FMN2: variants seen among roughly 807,000 people sequenced by gnomAD.
The protein encoded by FMN2 is formin 2, also known as formin-2.
FMN2 carries 51 observed loss-of-function variants against 142.3 expected under a neutral mutation model. The ratio of observed to expected loss-of-function variants is 0.36; its 90% CI spans 0.29 to 0.45. FMN2 has a LOEUF of 0.45. Ranked by LOEUF, FMN2 falls within the 20% of genes least tolerant of loss-of-function variation. FMN2 has a pLI of 1.00. For missense variants in FMN2, 1,936 were observed against 2,122.8 expected (o/e 0.91, Z 1.73); for synonymous variants, 882 against 869.8 (o/e 1.01, Z -0.25).
At chr1:240,329,526 G>T in intron 10 of FMN2, 58 bp downstream of exon 10, 1 of 1,572,716 alleles carries the variant, frequency 6.4e-7, no homozygotes. Flanking sequence ...GCTCAGCCAT[G>T]TTCTTATTTC....
chr1:240,394,069 G>C (rs1673695928), intron 15 of FMN2, among the ~76,000 whole-genome samples: 1 of 152,124 alleles, frequency 6.6e-6, no homozygotes, highest in Non-Finnish European at 1.5e-5. Flanking sequence ...ATTAGGGAGG[G>C]GTAAGGAAGA....
intron 2 of FMN2, among the ~76,000 whole-genome samples, chr1:240,169,023 C>T (rs146186268): frequency 1.5e-3 from 222 of 152,110 alleles, no homozygotes; most frequent in African/African-American, 4.9e-3. Flanking sequence ...TCATCCTAGC[C>T]GATATGGTGA....
intron 7 of FMN2, among the ~76,000 whole-genome samples, chr1:240,277,036 C>T (rs1669239023): frequency 6.6e-6 from 1 of 152,276 alleles, no homozygotes; most frequent in Non-Finnish European, 1.5e-5. Context: ...ATCCTTGATC[C>T]TGTTAAATGT....
At chr1:240,358,686 G>A (rs1672360242) in intron 14 of FMN2, among the ~76,000 whole-genome samples, 1 of 152,120 alleles carries the variant, frequency 6.6e-6, no homozygotes, top group East Asian at 1.9e-4. Context: ...GATCTCGTGA[G>A]AACTCACTCC....
intron 7 of FMN2, among the ~76,000 whole-genome samples, chr1:240,288,440 C>T (rs1463562726): frequency 2.0e-5 from 3 of 151,990 alleles, no homozygotes; most frequent in East Asian, 1.9e-4. Context: ...TAAAAACATT[C>T]GAATTAATGA....
intron 11 of FMN2, among the ~76,000 whole-genome samples, chr1:240,332,290 A>G (rs1671405687): frequency 1.3e-5 from 2 of 152,070 alleles, no homozygotes; most frequent in Admixed American, 6.6e-5. Flanking sequence ...AGCCGAGTGC[A>G]ATAGCATGAG....
intron 7 of FMN2, among the ~76,000 whole-genome samples, chr1:240,282,656 C>T (rs930732643): frequency 1.6e-4 from 25 of 152,344 alleles, no homozygotes; most frequent in African/African-American, 5.5e-4. Flanking sequence ...CGTTTGTGTG[C>T]ATACTCAAAG....
At chr1:240,101,709 A>AT (rs776711940) in intron 1 of FMN2, among the ~76,000 whole-genome samples, 4,144 of 137,862 alleles carry the variant, frequency 0.03, 168 homozygotes, top group African/African-American at 0.097. Flanking sequence ...TGCCTGGCTA[A>AT]TTTTTTTTTT....
chr1:240,198,586 T>A (rs1315344413), intron 4 of FMN2, among the ~76,000 whole-genome samples: 1 of 152,228 alleles, frequency 6.6e-6, no homozygotes, highest in Non-Finnish European at 1.5e-5. Flanking sequence ...CATAATATGT[T>A]CTATTTTAAA....
chr1:240,343,521 C>T (rs149540907), intron 13 of FMN2, among the ~76,000 whole-genome samples: 10 of 152,252 alleles, frequency 6.6e-5, no homozygotes, highest in Non-Finnish European at 1.5e-4. Flanking sequence ...TATAATTGCA[C>T]TGAAGTATAG....
chr1:240,245,270 G>A (rs1053795185), intron 6 of FMN2: 4 of 320,774 alleles, frequency 1.2e-5, no homozygotes, highest in African/African-American at 8.8e-5. Flanking sequence ...GTTAAAAGGG[G>A]ACTGACAGGA....
chr1:240,138,544 A>C (rs1663049598), intron 2 of FMN2, among the ~76,000 whole-genome samples: 1 of 152,178 alleles, frequency 6.6e-6, no homozygotes, highest in East Asian at 1.9e-4. Flanking sequence ...TACTAAAAAA[A>C]AAAAATACAA....
rs549558426 is a variant in FMN2 at position 240,244,938 on chromosome 1, A to G, written c.4066-13007A>G. Among the ~76,000 whole-genome samples, 24 of 152,344 alleles carry G rather than the reference A, an allele frequency of 1.6e-4. No homozygotes were observed. In the Middle Eastern group the frequency reaches 0.014, roughly 86 times the overall value. ...CAGCGGACATTTTTGGATGCTTACA[A>G]TATATCAATCATTGTGCTGAGTACT... On this transcript the variant is annotated intron_variant, in intron 6 of 17. Coordinates refer to ENST00000319653, the MANE Select transcript of FMN2 (RefSeq NM_020066.5).
chr1:240,243,103 A>C (rs1667966866), intron 6 of FMN2, among the ~76,000 whole-genome samples: 1 of 152,062 alleles, frequency 6.6e-6, no homozygotes, highest in Non-Finnish European at 1.5e-5. Context: ...GTAAGACTGC[A>C]GTCTTCCTTG....
At chr1:240,185,389 G>A (rs1665397078) in intron 3 of FMN2, among the ~76,000 whole-genome samples, 2 of 152,110 alleles carry the variant, frequency 1.3e-5, no homozygotes, top group Non-Finnish European at 1.5e-5. Flanking sequence ...TTTGAAGACA[G>A]CATTTCAACC....
At chr1:240,415,752 A>AATGCAGT (rs1459726857) in intron 15 of FMN2, among the ~76,000 whole-genome samples, 1 of 152,210 alleles carries the variant, frequency 6.6e-6, no homozygotes, top group Non-Finnish European at 1.5e-5. Flanking sequence ...TTTGCAGTGC[A>AATGCAGT]ATGCAGTAAG....
intron 6 of FMN2, among the ~76,000 whole-genome samples, chr1:240,246,740 A>C (rs1361765223): frequency 1.3e-5 from 2 of 152,222 alleles, no homozygotes; most frequent in East Asian, 3.8e-4. Context: ...CATAATCTCT[A>C]CACAGTCCTG....
chr1:240,092,475 CCT>C lies in FMN2; in HGVS notation c.370_371del (p.Ser124GlyfsTer16). On this transcript the variant is annotated frameshift_variant, in exon 1 of 18. Coordinates refer to ENST00000319653, the MANE Select transcript of FMN2 (RefSeq NM_020066.5). LOFTEE classifies it high-confidence loss of function. The part of the protein sequence containing the change: ...SLLTKTPDLS[L>X]SADEAGLSDT... Reference sequence around the variant, plus strand: ...TGCTCACCAAGACTCCAGACCTCAGCCTCTCGGCGGACGAGGCCGGCCTGTCG... The same window carrying C: ...TGCTCACCAAGACTCCAGACCTCAGCCTCGGCGGACGAGGCCGGCCTGTCG... 1 of 1,608,832 alleles carries C rather than the reference CCT, an allele frequency of 6.2e-7. No individual in the cohort carries two copies. Among genetic ancestry groups the C allele is most frequent in the Non-Finnish European group, 8.5e-7 (1 of 1,177,670 alleles).
intron 2 of FMN2, among the ~76,000 whole-genome samples, chr1:240,130,767 C>T (rs1275221722): frequency 6.6e-6 from 1 of 152,138 alleles, no homozygotes; most frequent in Admixed American, 6.6e-5. Flanking sequence ...CATAGCTTTT[C>T]CCCCTGTATT....
Sources: allele counts gnomAD v4.1 joint callset (sites outside exome capture counted in the v4.1 genomes callset), GRCh38; gene constraint gnomAD v4.1.1; transcripts MANE v1.5; gene names NCBI Gene and HGNC (gene_info 2026-07-23, HGNC 2026-07-21).